Variants in KHDRBS2 observed in about 807,000 individuals in gnomAD.
KHDRBS2 encodes the protein KH domain-containing, RNA-binding, signal transduction-associated protein 2.
KHDRBS2 carries 26 observed loss-of-function variants against 44.3 expected under a neutral mutation model. The observed-to-expected ratio is 0.59, with a 90% CI of 0.43 to 0.81. The LOEUF (loss-of-function observed/expected upper bound fraction) is 0.81, where lower values mean the gene tolerates loss of function less well. Ranked by LOEUF, KHDRBS2 falls within the 40% of genes least tolerant of loss-of-function variation. KHDRBS2 has a pLI of 0.00. For missense variants in KHDRBS2, 476 were observed against 433.1 expected (o/e 1.10, Z -0.88); for synonymous variants, 194 against 151.1 (o/e 1.28, Z -2.08).
chr6:62,071,782 C>T (rs991649506), intron 2 of KHDRBS2, among the ~76,000 whole-genome samples: 6 of 152,124 alleles, frequency 3.9e-5, no homozygotes, highest in Non-Finnish European at 8.8e-5. Flanking sequence ...CGTGATGCCT[C>T]CAGCTTTGTT....
intron 6 of KHDRBS2, among the ~76,000 whole-genome samples, chr6:61,848,576 CATAT>C (rs767893776): frequency 1.0e-4 from 3 of 30,038 alleles, no homozygotes; most frequent in Admixed American, 3.6e-4. Context: ...TATATATATA[CATAT>C]ATATATATAT....
intron 2 of KHDRBS2, among the ~76,000 whole-genome samples, chr6:62,133,583 G>A (rs372355725): frequency 1.2e-4 from 19 of 152,280 alleles, no homozygotes; most frequent in East Asian, 5.8e-4. Flanking sequence ...ATAAATATAT[G>A]TGAAAATGTG....
chr6:61,668,942 G>A, the KHDRBS2 span, among the ~76,000 whole-genome samples: 3 of 150,892 alleles, frequency 2.0e-5, no homozygotes, highest in South Asian at 4.1e-4. Flanking sequence ...AAACAAATAA[G>A]TAACCATGAC....
intron 4 of KHDRBS2, among the ~76,000 whole-genome samples, chr6:61,950,676 C>T (rs556915946): frequency 1.1e-4 from 16 of 152,112 alleles, no homozygotes; most frequent in East Asian, 3.9e-4. Context: ...ATGCATAAAA[C>T]GAGGTATCTC....
At chr6:61,837,099 A>T (rs1196206826) in intron 6 of KHDRBS2, among the ~76,000 whole-genome samples, 2 of 152,022 alleles carry the variant, frequency 1.3e-5, no homozygotes, top group East Asian at 1.9e-4. Flanking sequence ...GTGGAGAACC[A>T]TTTTGGGTTT....
intron 4 of KHDRBS2, among the ~76,000 whole-genome samples, chr6:61,906,402 C>T (rs1247600063): frequency 6.6e-6 from 1 of 152,018 alleles, no homozygotes; most frequent in Non-Finnish European, 1.5e-5. Flanking sequence ...TAGGAACATT[C>T]CAGTTCCACT....
chr6:62,198,110 C>T (rs1826072832), intron 1 of KHDRBS2, among the ~76,000 whole-genome samples: 1 of 152,134 alleles, frequency 6.6e-6, no homozygotes, highest in Non-Finnish European at 1.5e-5. Context: ...AAATTTACAG[C>T]ACTAAATGCC....
In KHDRBS2 at chr6:62,139,500, C is replaced by T. The variant is rs545487447; in HGVS notation, c.219+37685G>A. Among the ~76,000 whole-genome samples the T allele has an allele frequency of 8.0e-5, 12 of 149,474 alleles. 1 individual carries two copies. The South Asian group carries it at 8.4e-4, about 10-fold the overall frequency. On this transcript the variant is annotated intron_variant, in intron 2 of 8. Transcript: ENST00000281156. Reference sequence around the variant, plus strand: ...CCCGGGAGGCGGAGCTTGCAGCGAGCGGAGATCGCGCCACTACACTCCAGC... The same window carrying T: ...CCCGGGAGGCGGAGCTTGCAGCGAGTGGAGATCGCGCCACTACACTCCAGC...
the KHDRBS2 span, among the ~76,000 whole-genome samples, chr6:61,635,706 A>G: frequency 6.6e-6 from 1 of 152,172 alleles, no homozygotes; most frequent in African/African-American, 2.4e-5. Context: ...GGTGTTCTTT[A>G]CATACCTACT....
intron 6 of KHDRBS2, among the ~76,000 whole-genome samples, chr6:61,822,731 A>C (rs1687171058): frequency 6.6e-6 from 1 of 152,006 alleles, no homozygotes; most frequent in Non-Finnish European, 1.5e-5. Flanking sequence ...CTATGTCAGC[A>C]ATGTAGTCTT....
chr6:62,018,116 ATTACCG>A (rs1781549025), intron 3 of KHDRBS2, among the ~76,000 whole-genome samples: 1 of 151,076 alleles, frequency 6.6e-6, no homozygotes, highest in Non-Finnish European at 1.5e-5. Flanking sequence ...TAACATACAT[ATTACCG>A]TTACCATTTC....
chr6:61,625,101 T>C, the KHDRBS2 span, among the ~76,000 whole-genome samples: 1 of 152,016 alleles, frequency 6.6e-6, no homozygotes, highest in South Asian at 2.1e-4. Flanking sequence ...TCTACTTTGA[T>C]GCCTTGTGGG....
At chr6:61,861,137 C>T (rs562544627) in intron 6 of KHDRBS2, among the ~76,000 whole-genome samples, 1 of 152,160 alleles carries the variant, frequency 6.6e-6, no homozygotes, top group African/African-American at 2.4e-5. Flanking sequence ...GCATAGATTG[C>T]AAAATTTTTC....
chr6:61,859,987 A>G (rs1441394571), intron 6 of KHDRBS2, among the ~76,000 whole-genome samples: 4 of 152,032 alleles, frequency 2.6e-5, no homozygotes, highest in Admixed American at 2.6e-4. Context: ...GACATAGAGA[A>G]GAGTGTATGA....
At chr6:61,845,927 G>A (rs543730656) in intron 6 of KHDRBS2, among the ~76,000 whole-genome samples, 2 of 152,262 alleles carry the variant, frequency 1.3e-5, no homozygotes, top group South Asian at 2.1e-4. Flanking sequence ...GATCATGGGG[G>A]CAGATTTCTC....
At chr6:61,912,668 C>A (rs1806260424) in intron 4 of KHDRBS2, among the ~76,000 whole-genome samples, 1 of 152,138 alleles carries the variant, frequency 6.6e-6, no homozygotes, top group Non-Finnish European at 1.5e-5. Context: ...CCAAGATCTG[C>A]TAATTCCACA....
the KHDRBS2 span, among the ~76,000 whole-genome samples, chr6:61,598,180 T>C: frequency 4.0e-5 from 6 of 151,246 alleles, 1 homozygote; most frequent in South Asian, 8.4e-4. Context: ...GGTAGCCATG[T>C]CTGTCAGGCT....
At chr6:61,649,833 T>G in the KHDRBS2 span, among the ~76,000 whole-genome samples, 1 of 152,196 alleles carries the variant, frequency 6.6e-6, no homozygotes, top group Admixed American at 6.6e-5. Context: ...TCTGCTAGAT[T>G]GTCTTCTTAT....
At chr6:61,552,778 C>T in the KHDRBS2 span, among the ~76,000 whole-genome samples, 1 of 152,106 alleles carries the variant, frequency 6.6e-6, no homozygotes, top group Admixed American at 6.5e-5. Flanking sequence ...GTTTTCAATT[C>T]TGTTTATGTA....
Sources: gnomAD v4.1 joint callset for allele counts (sites outside exome capture counted in the v4.1 genomes callset) on GRCh38, gnomAD v4.1.1 for gene constraint, MANE v1.5 for transcripts, NCBI Gene and HGNC (gene_info 2026-07-23, HGNC 2026-07-21) for gene names.